Variants in SURF4 observed in about 807,000 individuals in gnomAD.
The protein encoded by SURF4 is surfeit 4.
A neutral mutation model predicts 30.0 loss-of-function variants in SURF4; 3 were observed. The ratio of observed to expected loss-of-function variants is 0.10; its 90% CI spans 0.05 to 0.26. The LOEUF (loss-of-function observed/expected upper bound fraction) is 0.26. Ranked by LOEUF, SURF4 falls within the 10% of genes least tolerant of loss-of-function variation. The pLI, the probability that SURF4 is intolerant of heterozygous loss-of-function variation, is 1.00. For synonymous variants in SURF4, 143 were observed against 139.9 expected, an observed-to-expected ratio of 1.02 and a Z score of -0.16; for missense variants, 217 against 350.8, an observed-to-expected ratio of 0.62 and a Z score of 3.05.
upstream of SURF4, chr9:133,376,072 G>T (rs1033166435): frequency 7.5e-5 from 90 of 1,204,700 alleles, no homozygotes; most frequent in Middle Eastern, 3.3e-4. Context: ...CCCGGCGGCC[G>T]GCCTCGCTCC....
chr9:133,363,306 G>A lies in SURF4; in HGVS notation c.*187C>T, dbSNP rs932369231. 9 of 1,011,984 alleles carry A rather than the reference G, an allele frequency of 8.9e-6. No individual in the cohort carries two copies. Among genetic ancestry groups the A allele is most frequent in the Non-Finnish European group, 1.4e-5 (9 of 656,868 alleles). 62.7% of individuals were successfully genotyped at this position (1,011,984 alleles called of 1,614,324 possible). ...CTGAAGGGTCAGACGCCAGACTGTG[G>A]CTCCAGAGCAGACTGAGCCATCGAT... On this transcript the variant is annotated 3_prime_UTR_variant, in exon 6 of 6. Transcript: ENST00000371989. This position sits in a 1 kb window ranked among gnomAD's most constrained non-coding sequence, Gnocchi z 4.3.
At chr9:133,366,124 C>T in intron 3 of SURF4, 96 bp from the exon 4 acceptor site, 1 of 1,274,656 alleles carries the variant, frequency 7.8e-7, no homozygotes, top group Non-Finnish European at 1.1e-6. Flanking sequence ...CCAATGTCAG[C>T]TGGAGTCTAA....
Position 133,361,796 on chromosome 9 carries a change from C to T in SURF4, c.*1697G>A, listed in dbSNP as rs1017762700. On this transcript the variant is annotated 3_prime_UTR_variant, in exon 6 of 6. Coordinates refer to ENST00000371989, the MANE Select transcript of SURF4 (RefSeq NM_033161.4). ...ACCCTACTTTCCACCAATCAGCCAA[C>T]CAACCTTGACCACAGAGAAACCGTG... is the stretch of plus-strand genomic sequence containing the variant. 1 of 152,496 alleles carries T rather than the reference C, an allele frequency of 6.6e-6. No individual in the cohort carries two copies. The highest frequency in any genetic ancestry group is 1.5e-5 in the Non-Finnish European group (1 of 68,196). The allele number at this position is 152,496 out of a possible 1,614,324, so 9.4% of individuals were successfully genotyped here. A position where few individuals can be genotyped will look rare whatever the true frequency, so the allele number is the denominator to read the frequency against.
intron 5 of SURF4, 49 bp downstream of exon 5, chr9:133,364,791 A>G: frequency 3.8e-6 from 6 of 1,594,652 alleles, no homozygotes; most frequent in African/African-American, 1.3e-5. Context: ...TGGGGGAGGG[A>G]CAGCATTCAC....
chr9:133,369,385 C>T (rs2130169094), intron 1 of SURF4, among the ~76,000 whole-genome samples: 3 of 152,176 alleles, frequency 2.0e-5, no homozygotes, highest in African/African-American at 4.8e-5. Flanking sequence ...GCCAGCACAC[C>T]GTGTGACCTG....
intron 1 of SURF4, among the ~76,000 whole-genome samples, chr9:133,372,407 C>G (rs1162881076): frequency 6.6e-6 from 1 of 152,222 alleles, no homozygotes; most frequent in Non-Finnish European, 1.5e-5. Context: ...TCCAGGCCAC[C>G]ACAAGCCAGT....
At chr9:133,376,448 T>C (rs2130247795), upstream of SURF4, 490 of 1,554,958 alleles carry the variant, frequency 3.2e-4, 2 homozygotes, top group African/African-American at 6.2e-3. Context: ...GGGTGGACGC[T>C]CGCCCGTACG....
At chr9:133,374,111 T>C (rs2130220062) in intron 1 of SURF4, among the ~76,000 whole-genome samples, 2 of 152,086 alleles carry the variant, frequency 1.3e-5, no homozygotes, top group Non-Finnish European at 2.9e-5. Flanking sequence ...GCTCTCATCC[T>C]TCCCTCAGCT....
Position 133,363,305 on chromosome 9 carries a change from G to T in SURF4, c.*188C>A. ...ACTGAAGGGTCAGACGCCAGACTGT[G>T]GCTCCAGAGCAGACTGAGCCATCGA... On this transcript the variant is annotated 3_prime_UTR_variant, in exon 6 of 6. Transcript: ENST00000371989. This position sits in a 1 kb window ranked among gnomAD's most constrained non-coding sequence, Gnocchi z 4.3. 9.9e-7 allele frequency: 1 copy of T among 1,005,794 alleles called. No homozygotes were observed. The highest frequency in any genetic ancestry group is 1.5e-6 in the Non-Finnish European group (1 of 651,088). 62.3% of individuals were successfully genotyped at this position (1,005,794 alleles called of 1,614,324 possible).
upstream of SURF4, among the ~76,000 whole-genome samples, chr9:133,376,814 C>T (rs886283261): frequency 6.6e-6 from 1 of 152,202 alleles, no homozygotes; most frequent in Non-Finnish European, 1.5e-5. Context: ...CGTGGGGCAG[C>T]TCCTCTATCC....
chr9:133,366,529 G>A (rs1837184252), intron 3 of SURF4, 70 bp downstream of exon 3: 1 of 1,533,646 alleles, frequency 6.5e-7, no homozygotes, highest in Non-Finnish European at 9.0e-7. Flanking sequence ...GAACCCTCAA[G>A]GATGTCTTTT....
chr9:133,370,329 G>A (rs1356850903), intron 1 of SURF4, among the ~76,000 whole-genome samples: 1 of 152,082 alleles, frequency 6.6e-6, no homozygotes, highest in African/African-American at 2.4e-5. Context: ...TGGCTTTGGG[G>A]AAAAATATGC....
intron 2 of SURF4, among the ~76,000 whole-genome samples, 169 bp from the exon 3 acceptor site, chr9:133,366,844 G>A (rs1322591071): frequency 6.6e-6 from 1 of 152,146 alleles, no homozygotes; most frequent in Non-Finnish European, 1.5e-5. Context: ...ACCACACATG[G>A]TAAGCTGACT....
Position 133,364,867 on chromosome 9 carries a change from G to A in SURF4, c.516C>T (p.Leu172=). The change falls in exon 5 of 6, where the codon CTC becomes CTT. Residue 172 remains leucine (L), a synonymous_variant. Coordinates refer to ENST00000371989, the MANE Select transcript of SURF4 (RefSeq NM_033161.4). ...AAAAGAAGCTGGCGTCAAAGTGAAG[G>A]AGGGTCATGAACATCAGAACCAGCA... The part of the protein sequence containing the change: ...RVLLVLMFMT[L]LHFDASFFSI... The A allele has an allele frequency of 6.2e-7, 1 of 1,614,108 alleles. No individual in the cohort carries two copies. The highest frequency in any genetic ancestry group is 1.3e-5 in the African/African-American group (1 of 75,022).
intron 1 of SURF4, among the ~76,000 whole-genome samples, chr9:133,372,997 G>A (rs1242459906): frequency 1.3e-5 from 2 of 152,204 alleles, no homozygotes; most frequent in African/African-American, 2.4e-5. Context: ...ATCATCTGAC[G>A]GCGGCAGCCT....
chr9:133,370,094 G>A (rs984115811), intron 1 of SURF4, among the ~76,000 whole-genome samples: 2 of 152,290 alleles, frequency 1.3e-5, no homozygotes, highest in African/African-American at 4.8e-5. Context: ...CATGGGCTGC[G>A]GTCTAAGCCT....
intron 2 of SURF4, 151 bp downstream of exon 2, chr9:133,367,108 C>T: frequency 9.5e-7 from 1 of 1,056,002 alleles, no homozygotes; most frequent in Non-Finnish European, 1.4e-6. Context: ...CAGAACCGGA[C>T]TCCTGGCCTG....
intron 3 of SURF4, 111 bp from the exon 4 acceptor site, chr9:133,366,139 C>A: frequency 9.1e-7 from 1 of 1,101,470 alleles, no homozygotes; most frequent in Admixed American, 1.9e-5. Context: ...GTCTAAAACA[C>A]ACAAAACCAT....
intron 5 of SURF4, among the ~76,000 whole-genome samples, chr9:133,364,623 C>T (rs1239413831): frequency 1.3e-5 from 2 of 149,608 alleles, no homozygotes; most frequent in Non-Finnish European, 3.0e-5. Flanking sequence ...ACCCGGGAGG[C>T]GGAACTTGCG....
Sources: gnomAD v4.1 joint callset for allele counts (sites outside exome capture counted in the v4.1 genomes callset) on GRCh38, gnomAD v4.1.1 for gene constraint, Gnocchi (gnomAD v3.1) non-coding constraint, MANE v1.5 for transcripts, NCBI Gene and HGNC (gene_info 2026-07-23, HGNC 2026-07-21) for gene names.